The following FAT1 variants were observed in gnomAD, a reference collection of about 807,000 sequenced individuals.
FAT1 encodes protocadherin Fat 1.
In FAT1, 171 loss-of-function variants were observed where a neutral mutation model predicts 329.8. The ratio of observed to expected loss-of-function variants is 0.52; its 90% CI spans 0.46 to 0.59. The LOEUF is 0.59. Ranked by LOEUF, FAT1 falls within the 20% of genes least tolerant of loss-of-function variation. The probability of loss-of-function intolerance (pLI) is 0.00; values close to 1 mark genes in which losing one functional copy is unlikely to be tolerated. For missense variants in FAT1, 5,672 were observed against 5,774.4 expected (o/e 0.98, Z 0.57); for synonymous variants, 2,233 against 2,228.6 (o/e 1.00, Z -0.06).
At chr4:186,667,047 A>T (rs1000502969) in intron 2 of FAT1, among the ~76,000 whole-genome samples, 1 of 152,260 alleles carries the variant, frequency 6.6e-6, no homozygotes. Context: ...AGTATTCAGC[A>T]GGAATGTATT....
At chr4:186,627,608 G>A (rs1187487044) in intron 9 of FAT1, among the ~76,000 whole-genome samples, 1 of 152,110 alleles carries the variant, frequency 6.6e-6, no homozygotes, top group Non-Finnish European at 1.5e-5. Context: ...ATTCCATGAG[G>A]GAAATCCACC....
In FAT1 at chr4:186,589,068, T is replaced by C; in HGVS notation, c.13291A>G (p.Ile4431Val). Residue 4431 changes from isoleucine to valine, a missense_variant, in exon 27 of 27, where the codon ATC becomes GTC. Ile to Val is a conservative substitution (Grantham distance 29). Coordinates refer to ENST00000441802, the MANE Select transcript of FAT1 (RefSeq NM_005245.4). Reference protein sequence around the residue: ...DTDYYPGGYDIESDFPPPPED... With the variant: ...DTDYYPGGYDVESDFPPPPED... ...GGGGGTGGAGGAAAATCACTTTCGA[T>C]GTCGTAGCCTCCAGGGTAATAGTCC... The C allele has an allele frequency of 6.2e-7, 1 of 1,613,918 alleles. No individual in the cohort carries two copies. The highest frequency in any genetic ancestry group is 8.5e-7 in the Non-Finnish European group (1 of 1,179,876).
chr4:186,705,223 C>T (rs1462577658), intron 2 of FAT1, among the ~76,000 whole-genome samples: 12 of 151,624 alleles, frequency 7.9e-5, no homozygotes, highest in Admixed American at 7.9e-4. Flanking sequence ...CGATTACAGG[C>T]GTGAGCCATC....
At chr4:186,654,241 A>T (rs1321328610) in intron 3 of FAT1, among the ~76,000 whole-genome samples, 1 of 152,228 alleles carries the variant, frequency 6.6e-6, no homozygotes, top group Non-Finnish European at 1.5e-5. Flanking sequence ...TGTAGTCACC[A>T]TCTCACAGGG....
chr4:186,596,606 G>C lies in FAT1; in HGVS notation c.12934C>G (p.Pro4312Ala). Residue 4312 changes from proline to alanine, a missense_variant, in exon 25 of 27, where the codon CCC becomes GCC. Coordinates refer to ENST00000441802, the MANE Select transcript of FAT1 (RefSeq NM_005245.4). The surrounding 1 kb of genome is among the most constrained non-coding windows in gnomAD (Gnocchi z 4.7). Reference protein sequence around the residue: ...CSVAPNLPPPPPSNSPSDSDS... With the variant: ...CSVAPNLPPPAPSNSPSDSDS... ...CTGTCAGAAGGGGAGTTTGAAGGGG[G>C]TGGGGGAGGCAGGTTTGGCGCCACG... 2 of 1,612,650 alleles carry C rather than the reference G, an allele frequency of 1.2e-6. No individual in the cohort carries two copies. Among genetic ancestry groups the C allele is most frequent in the South Asian group, 2.2e-5 (2 of 90,734 alleles).
chr4:186,597,199 G>C (rs750733656), intron 24 of FAT1, 28 bp from the exon 25 acceptor site: 1 of 1,559,042 alleles, frequency 6.4e-7, no homozygotes, highest in East Asian at 2.3e-5. Context: ...AATGAGGAGA[G>C]ACCTCTGTAG....
At chr4:186,638,954 G>C (rs1021092386) in intron 4 of FAT1, among the ~76,000 whole-genome samples, 1 of 149,662 alleles carries the variant, frequency 6.7e-6, no homozygotes, top group Non-Finnish European at 1.5e-5. Flanking sequence ...GCTTCCTGAC[G>C]ACACGGCCCA....
At position 186,618,349 on chromosome 4, in the gene FAT1, T is replaced by C. The variant is rs1262244541; in HGVS notation, c.8237A>G (p.Asn2746Ser). 7 of 1,613,910 alleles carry C rather than the reference T, an allele frequency of 4.3e-6. No individual in the cohort carries two copies. Among genetic ancestry groups the C allele is most frequent in the Non-Finnish European group, 5.9e-6 (7 of 1,179,906 alleles). Residue 2746 changes from asparagine (N) to serine (S), a missense_variant, in exon 10 of 27, where the codon AAT (asparagine) becomes AGT (serine). Coordinates refer to ENST00000441802, the MANE Select transcript of FAT1 (RefSeq NM_005245.4). ...SLVKGNTPES[N>S]RDESFVIDRQ... ...GTCAATCACAAAGGACTCATCCCTATTGCTTTCTGGAGTATTCCCTTTGAC... is the reference window on the plus strand; with the variant it reads ...GTCAATCACAAAGGACTCATCCCTACTGCTTTCTGGAGTATTCCCTTTGAC...
In FAT1 at chr4:186,633,823, C is replaced by A; in HGVS notation, c.4184G>T (p.Gly1395Val). The change falls in exon 7 of 27, where the codon GGT becomes GTT. Residue 1395 changes from glycine to valine, a missense_variant and splice_region_variant. Gly to Val is a moderately radical substitution (Grantham distance 109). This residue lies in a region of FAT1 where 3,966 missense variants were observed against 3,915.2 expected (regional missense o/e 1.01). Coordinates refer to ENST00000441802, the MANE Select transcript of FAT1 (RefSeq NM_005245.4). Reference protein sequence around the residue: ...PGIPLWFDITGGNYDSHFDVD... With the variant: ...PGIPLWFDITVGNYDSHFDVD... ...ATCGAAGTGACTGTCGTAGTTGCCA[C>A]CTAATTTGGGGAAAAAAAAGTAAAA... 2.5e-6 allele frequency: 4 copies of A among 1,613,840 alleles called. No homozygotes were observed. The highest frequency in any genetic ancestry group is 2.5e-6 in the Non-Finnish European group (3 of 1,179,840).
chr4:186,710,638 T>C (rs1165454641), intron 1 of FAT1, among the ~76,000 whole-genome samples: 1 of 152,212 alleles, frequency 6.6e-6, no homozygotes, highest in Non-Finnish European at 1.5e-5. Context: ...TTACCAACTA[T>C]ATCAATGTTT....
intron 1 of FAT1, among the ~76,000 whole-genome samples, chr4:186,723,028 GGCTCTCTAAAAGAAA>G: frequency 6.6e-6 from 1 of 152,196 alleles, no homozygotes; most frequent in Non-Finnish European, 1.5e-5. Context: ...GCAGAAAGCT[GGCTCTCTAAAAGAAA>G]GCATTTTTTT....
chr4:186,686,935 C>T (rs538108794), intron 2 of FAT1, among the ~76,000 whole-genome samples: 3 of 152,190 alleles, frequency 2.0e-5, no homozygotes, highest in East Asian at 3.9e-4. Context: ...CTGATAGCAG[C>T]GAAAACGAAA....
chr4:186,597,903 C>T (rs2126400854), intron 23 of FAT1, 69 bp downstream of exon 23: 1 of 1,571,320 alleles, frequency 6.4e-7, no homozygotes, highest in Non-Finnish European at 8.7e-7. Context: ...AGACTTTTTA[C>T]ATGTACCATT....
chr4:186,606,904 C>T (rs1044780626), intron 16 of FAT1, among the ~76,000 whole-genome samples: 1 of 152,212 alleles, frequency 6.6e-6, no homozygotes, highest in Non-Finnish European at 1.5e-5. Context: ...TCCTGCAAGA[C>T]GCTCCAATGA....
intron 6 of FAT1, 40 bp downstream of exon 6, chr4:186,635,984 TG>T: frequency 6.4e-7 from 1 of 1,564,940 alleles, no homozygotes; most frequent in Middle Eastern, 1.8e-4. Context: ...TTCTCCTCAG[TG>T]TAACCCATAC....
At position 186,620,342 on chromosome 4, in the gene FAT1, C is replaced by T; in HGVS notation, c.6244G>A (p.Val2082Ile). The stretch of plus-strand genomic sequence containing the variant: ...ACAACGGCGTAGTAGGGAAGGTTGA[C>T]AAACACCGGCGCATTATCATTTTGG... ...EDQNDNAPVF[V>I]NLPYYAVVKV... is the part of the protein sequence containing the mutation. The change falls in exon 10 of 27, where the codon GTC (valine) becomes ATC (isoleucine). Residue 2082 changes from valine to isoleucine, a missense_variant. Physicochemically the swap from Val to Ile is conservative, Grantham distance 29 (BLOSUM62 3). Coordinates refer to ENST00000441802, the MANE Select transcript of FAT1 (RefSeq NM_005245.4). 1.2e-6 allele frequency: 2 copies of T among 1,613,974 alleles called. No individual in the cohort carries two copies. The highest frequency in any genetic ancestry group is 1.7e-6 in the Non-Finnish European group (2 of 1,179,894).
chr4:186,695,185 G>T (rs1300207761), intron 2 of FAT1, among the ~76,000 whole-genome samples: 1 of 152,182 alleles, frequency 6.6e-6, no homozygotes, highest in Non-Finnish European at 1.5e-5. Context: ...TGAATAATGT[G>T]CAATGGCAAT....
chr4:186,724,988 AAATAAT>A (rs1039693754), upstream of FAT1, among the ~76,000 whole-genome samples: 20 of 152,156 alleles, frequency 1.3e-4, no homozygotes, highest in African/African-American at 3.9e-4. The surrounding 1 kb of genome is among the most constrained non-coding windows in gnomAD (Gnocchi z 5.3). Context: ...TGACCGGAAA[AAATAAT>A]AATAATAAAG....
intron 2 of FAT1, among the ~76,000 whole-genome samples, chr4:186,696,985 T>C (rs143741203): frequency 1.1e-4 from 17 of 152,310 alleles, no homozygotes; most frequent in Non-Finnish European, 1.6e-4. Context: ...ATTGAGCCAC[T>C]GCAACTCGAC....
Sources: allele counts gnomAD v4.1 joint callset (sites outside exome capture counted in the v4.1 genomes callset), GRCh38; gene constraint gnomAD v4.1.1; regional missense constraint gnomAD v4.1.1; non-coding constraint Gnocchi (gnomAD v3.1); transcripts MANE v1.5; gene names NCBI Gene and HGNC (gene_info 2026-07-23, HGNC 2026-07-21).